Variants in LRRIQ3 observed in about 807,000 individuals in gnomAD.
LRRIQ3 encodes the protein leucine rich repeats and IQ motif containing 3.
In LRRIQ3, 75 loss-of-function variants were observed where a neutral mutation model predicts 59.3. That is an observed-to-expected ratio of 1.26 (90% CI 1.05 to 1.53). LRRIQ3 has a LOEUF of 1.53. Ranked by LOEUF, LRRIQ3 falls within the 40% of genes most tolerant of loss-of-function variation. The pLI is 0.00. For synonymous variants in LRRIQ3, 250 were observed against 231.3 expected (o/e 1.08, Z -0.73); for missense variants, 831 against 710.0 (o/e 1.17, Z -1.94).
rs530272417 is a variant in LRRIQ3 at position 74,188,030 on chromosome 1, A to C, written c.1-4346T>G. 3.3e-5 allele frequency among the ~76,000 whole-genome samples: 5 copies of C among 152,326 alleles called. No homozygotes were observed. In the South Asian group the frequency reaches 1.0e-3, roughly 32 times the overall value. On this transcript the variant is annotated intron_variant, in intron 1 of 7. Transcript: ENST00000354431. ...CATGGAATCAACCTAAATGCCCATA[A>C]ATGGTAGACTGGATAAAGAAAATGT...
In LRRIQ3 at chr1:74,042,624, A is replaced by T. The variant is rs1248253973; in HGVS notation, c.998-691T>A. Among the ~76,000 whole-genome samples, 2 of 152,128 alleles carry T rather than the reference A, an allele frequency of 1.3e-5. 1 individual carries two copies. The highest frequency in any genetic ancestry group is 3.8e-4 in the East Asian group (2 of 5,202). ...ACAGAGGCAGCCTTAGGCCACATTT[A>T]ACAAGTTATTAGTATGTCATATTTG... On this transcript the variant is annotated intron_variant, in intron 6 of 7. Coordinates refer to ENST00000354431, the MANE Select transcript of LRRIQ3 (RefSeq NM_001105659.2).
At chr1:74,096,718 G>A (rs2100529311) in intron 5 of LRRIQ3, among the ~76,000 whole-genome samples, 1 of 152,180 alleles carries the variant, frequency 6.6e-6, no homozygotes, top group Non-Finnish European at 1.5e-5. Context: ...ACATACAGAT[G>A]GGGTTTTGGT....
intron 5 of LRRIQ3, among the ~76,000 whole-genome samples, chr1:74,103,797 G>A (rs866324564): frequency 2.7e-4 from 36 of 133,336 alleles, no homozygotes; most frequent in South Asian, 2.5e-4. Context: ...TCCCCCCCCC[G>A]CCATATTTAC....
chr1:74,139,808 T>C (rs1205050069), intron 4 of LRRIQ3, among the ~76,000 whole-genome samples: 2 of 151,854 alleles, frequency 1.3e-5, no homozygotes, highest in African/African-American at 4.8e-5. Context: ...ATAATGAAAA[T>C]AGAGTTCTAA....
At chr1:74,141,887 GGA>G (rs1557636977) in intron 4 of LRRIQ3, among the ~76,000 whole-genome samples, 1 of 151,462 alleles carries the variant, frequency 6.6e-6, no homozygotes, top group African/African-American at 2.4e-5. Flanking sequence ...ATTTAATCCT[GGA>G]GAGATTAAAC....
At chr1:74,045,123 C>T (rs1396089353) in intron 6 of LRRIQ3, among the ~76,000 whole-genome samples, 2 of 152,122 alleles carry the variant, frequency 1.3e-5, no homozygotes, top group African/African-American at 2.4e-5. Flanking sequence ...GGGCAAGCAT[C>T]ATCCTGATAC....
At chr1:74,060,246 T>C (rs12737017) in intron 6 of LRRIQ3, among the ~76,000 whole-genome samples, 4 of 121,258 alleles carry the variant, frequency 3.3e-5, no homozygotes, top group Non-Finnish European at 5.4e-5. Flanking sequence ...CTTCTTCTTC[T>C]TCTTCTTCTT....
intron 5 of LRRIQ3, among the ~76,000 whole-genome samples, chr1:74,096,035 T>C (rs887314968): frequency 3.9e-5 from 6 of 151,950 alleles, no homozygotes; most frequent in Admixed American, 3.3e-4. Flanking sequence ...AAAATAACAA[T>C]AAGAAACCCA....
intron 4 of LRRIQ3, among the ~76,000 whole-genome samples, chr1:74,137,104 T>C (rs1421402337): frequency 6.6e-6 from 1 of 151,908 alleles, no homozygotes; most frequent in Non-Finnish European, 1.5e-5. Flanking sequence ...TAAATAAAAA[T>C]CATATATACC....
At chr1:74,075,834 C>T (rs1646201348) in intron 5 of LRRIQ3, among the ~76,000 whole-genome samples, 1 of 152,078 alleles carries the variant, frequency 6.6e-6, no homozygotes, top group Non-Finnish European at 1.5e-5. Context: ...GGGTACTATC[C>T]TCAAACTTTT....
chr1:74,039,203 C>G (rs989728030), intron 7 of LRRIQ3, among the ~76,000 whole-genome samples: 1 of 151,934 alleles, frequency 6.6e-6, no homozygotes, highest in Non-Finnish European at 1.5e-5. Context: ...ACAGGTGAAT[C>G]GACCAAGTAG....
intron 5 of LRRIQ3, among the ~76,000 whole-genome samples, chr1:74,078,321 G>A (rs752543295): frequency 1.8e-4 from 27 of 151,548 alleles, no homozygotes; most frequent in Non-Finnish European, 3.8e-4. Context: ...TAAATGAGAA[G>A]TAAAATATAA....
chr1:74,165,924 A>G (rs976022103), intron 3 of LRRIQ3, among the ~76,000 whole-genome samples: 5 of 151,522 alleles, frequency 3.3e-5, no homozygotes, highest in African/African-American at 1.2e-4. Context: ...GTCCCACTTG[A>G]TCATAGTATA....
At chr1:74,105,783 A>C (rs1349837294) in intron 5 of LRRIQ3, among the ~76,000 whole-genome samples, 2 of 152,012 alleles carry the variant, frequency 1.3e-5, no homozygotes, top group Admixed American at 1.3e-4. Context: ...ATATAGTTCC[A>C]TGAGTCTTAT....
chr1:74,109,551 G>C lies in LRRIQ3; in HGVS notation c.710C>G (p.Pro237Arg). Residue 237 changes from proline to arginine, a missense_variant and splice_region_variant, in exon 5 of 8, where the codon CCT (proline) becomes CGT (arginine). Coordinates refer to ENST00000354431, the MANE Select transcript of LRRIQ3 (RefSeq NM_001105659.2). ...CTGTTTTTTTTTGTGGAAAAACACA[G>C]GGCTGAATATAAGGGGAGGGGAAAA... ...RGFLVRKNLS[P>R]VFFHKKKQQE... 6.5e-7 allele frequency: 1 copy of C among 1,550,154 alleles called. No homozygotes were observed. Among genetic ancestry groups the C allele is most frequent in the Middle Eastern group, 1.8e-4 (1 of 5,584 alleles).
chr1:74,190,462 T>C (rs1286808989), intron 1 of LRRIQ3, among the ~76,000 whole-genome samples: 2 of 144,520 alleles, frequency 1.4e-5, no homozygotes, highest in Non-Finnish European at 3.1e-5. Flanking sequence ...CATTCAAAAC[T>C]AAAAACCAAA....
chr1:74,066,356 T>C, intron 6 of LRRIQ3, among the ~76,000 whole-genome samples: 1 of 152,204 alleles, frequency 6.6e-6, no homozygotes, highest in Middle Eastern at 3.4e-3. Context: ...TAGATTTATT[T>C]GACATAATGT....
chr1:74,128,814 C>T (rs1243331697), intron 4 of LRRIQ3, among the ~76,000 whole-genome samples: 2 of 152,082 alleles, frequency 1.3e-5, no homozygotes, highest in Non-Finnish European at 2.9e-5. Flanking sequence ...GTCATATATA[C>T]ATTAGGGGGC....
At chr1:74,088,115 CA>C (rs959991592) in intron 5 of LRRIQ3, among the ~76,000 whole-genome samples, 16 of 149,706 alleles carry the variant, frequency 1.1e-4, no homozygotes, top group African/African-American at 2.2e-4. Flanking sequence ...AAAAACAAAA[CA>C]AAAAAAAACA....
Sources: gnomAD v4.1 joint callset for allele counts (sites outside exome capture counted in the v4.1 genomes callset) on GRCh38, gnomAD v4.1.1 for gene constraint, MANE v1.5 for transcripts, NCBI Gene and HGNC (gene_info 2026-07-23, HGNC 2026-07-21) for gene names.